Variants in PSMA3 observed in about 807,000 individuals in gnomAD.
PSMA3 encodes proteasome subunit alpha type-3.
Under a neutral mutation model 40.0 loss-of-function variants are expected in PSMA3, and 8 were observed. The observed-to-expected ratio is 0.20, with a 90% CI of 0.12 to 0.36. The LOEUF (loss-of-function observed/expected upper bound fraction) is 0.36, where lower values mean the gene tolerates loss of function less well. Ranked by LOEUF, PSMA3 falls within the 10% of genes least tolerant of loss-of-function variation. The pLI is 1.00. For missense variants in PSMA3, 219 were observed against 310.6 expected, an observed-to-expected ratio of 0.70 and a Z score of 2.22; for synonymous variants, 110 against 100.0, an observed-to-expected ratio of 1.10 and a Z score of -0.59.
chr14:58,271,756 C>T, intron 10 of PSMA3, 95 bp from the exon 11 acceptor site: 1 of 825,240 alleles, frequency 1.2e-6, no homozygotes. Context: ...AGGAATTTAA[C>T]CACTTAATTC....
chr14:58,260,491 C>G (rs547119894), intron 5 of PSMA3, among the ~76,000 whole-genome samples: 275 of 152,234 alleles, frequency 1.8e-3, no homozygotes, highest in Non-Finnish European at 2.7e-3. Context: ...TTGTTGAGCA[C>G]AGAAAAATAC....
rs766022668 is a variant in PSMA3 at position 58,270,232 on chromosome 14, T to G, written c.591-186T>G. The G allele has an allele frequency of 1.2e-5, 10 of 814,220 alleles. No individual in the cohort carries two copies. The East Asian group carries it at 3.2e-4, about 26-fold the overall frequency. 50.4% of individuals were successfully genotyped at this position (814,220 alleles called of 1,614,324 possible). A position where few individuals can be genotyped will look rare whatever the true frequency, so the allele number is the denominator to read the frequency against. On this transcript the variant is annotated intron_variant, in intron 8 of 10. Coordinates refer to ENST00000216455, the MANE Select transcript of PSMA3 (RefSeq NM_002788.4). ...AACATTTGTCGGGAGAGTAGATGTTTCATTTTATTTCAGTCCCTGTGTAAT... is the reference window on the plus strand; with the variant it reads ...AACATTTGTCGGGAGAGTAGATGTTGCATTTTATTTCAGTCCCTGTGTAAT...
intron 8 of PSMA3, chr14:58,268,282 T>C (rs1171839099): frequency 6.6e-6 from 1 of 152,184 alleles, no homozygotes; most frequent in Non-Finnish European, 1.5e-5. Flanking sequence ...ATAACAACTC[T>C]AAGTATTCCA....
intron 9 of PSMA3, 22 bp from the exon 10 acceptor site, chr14:58,270,912 A>G (rs748556621): frequency 1.9e-5 from 30 of 1,562,712 alleles, no homozygotes; most frequent in Non-Finnish European, 2.4e-5. Flanking sequence ...AAATTCATTT[A>G]CACATGTGGC....
chr14:58,252,158 T>C lies in PSMA3; in HGVS notation c.144T>C (p.Phe48=), dbSNP rs181507532. ...IGIRCKDGVV[F]GVEKLVLSKL... Reference sequence around the variant, plus strand: ...TCAGATGCAAAGATGGTGTTGTCTTTGGGGTAGAAAAATTAGTCCTTTCTA... The same window carrying C: ...TCAGATGCAAAGATGGTGTTGTCTTCGGGGTAGAAAAATTAGTCCTTTCTA... Residue 48 remains phenylalanine (F), a synonymous_variant, in exon 3 of 11, where the codon TTT becomes TTC. Coordinates refer to ENST00000216455, the MANE Select transcript of PSMA3 (RefSeq NM_002788.4). 3 of 1,613,508 alleles carry C rather than the reference T, an allele frequency of 1.9e-6. No individual in the cohort carries two copies. The African/African-American group carries it at 4.0e-5, about 22-fold the overall frequency.
intron 7 of PSMA3, chr14:58,266,398 C>G (rs1014726178): frequency 6.6e-6 from 1 of 152,188 alleles, no homozygotes; most frequent in Non-Finnish European, 1.5e-5. Context: ...AACATATCCA[C>G]AGTAGATGAA....
At chr14:58,267,086 G>C (rs1293625827) in intron 7 of PSMA3, 2 of 153,346 alleles carry the variant, frequency 1.3e-5, no homozygotes, top group East Asian at 3.8e-4. Flanking sequence ...TACAACCTCT[G>C]CCTCCTGGGT....
intron 6 of PSMA3, 75 bp downstream of exon 6, chr14:58,261,095 G>C: frequency 1.0e-6 from 1 of 955,318 alleles, no homozygotes; most frequent in Non-Finnish European, 1.6e-6. Flanking sequence ...CTCATTATAA[G>C]ATTATATGAA....
At position 58,245,051 on chromosome 14, in the gene PSMA3, C is replaced by T. The variant is rs1362698340; in HGVS notation, c.21+110C>T. 3.5e-6 allele frequency: 5 copies of T among 1,436,422 alleles called. No homozygotes were observed. In the Admixed American group the frequency reaches 8.4e-5, roughly 24 times the overall value. 89.0% of individuals were successfully genotyped at this position (1,436,422 alleles called of 1,614,324 possible). On this transcript the variant is annotated intron_variant, in intron 1 of 10. Transcript: ENST00000216455. ...ACCCGGGGTGCTCTGAGACCGCCTT[C>T]GGCTGGGTGGGCCATTTGCAGCTGT...
In PSMA3 at chr14:58,263,681, TTATA is replaced by T. The variant is rs760416943; in HGVS notation, c.478-18_478-15del. On this transcript the variant is annotated intron_variant, in intron 6 of 10. Coordinates refer to ENST00000216455, the MANE Select transcript of PSMA3 (RefSeq NM_002788.4). ...ATATGATAGTGTACTAATTCAGTGA[TTATA>T]TATATTTTTTTCTAAATAGGGTTAT... 5.7e-6 allele frequency: 9 copies of T among 1,574,810 alleles called. No individual in the cohort carries two copies. Among genetic ancestry groups the T allele is most frequent in the Admixed American group, 3.3e-5 (2 of 59,802 alleles).
intron 3 of PSMA3, among the ~76,000 whole-genome samples, chr14:58,253,098 C>T (rs769301688): frequency 6.6e-6 from 1 of 151,686 alleles, no homozygotes; most frequent in Admixed American, 6.6e-5. Flanking sequence ...GATTCTCCTA[C>T]CTCAGCCTCC....
At chr14:58,254,971 T>C (rs577355141) in intron 3 of PSMA3, among the ~76,000 whole-genome samples, 2 of 152,228 alleles carry the variant, frequency 1.3e-5, no homozygotes, top group East Asian at 1.9e-4. Context: ...CTGGGTAGCG[T>C]AGGAAAAAAA....
chr14:58,261,976 G>C (rs1387312508), intron 6 of PSMA3, among the ~76,000 whole-genome samples: 1 of 152,118 alleles, frequency 6.6e-6, no homozygotes, highest in Non-Finnish European at 1.5e-5. Flanking sequence ...TCCCAGGCTG[G>C]AGTGCAGTGG....
At chr14:58,252,272 G>A (rs760744038) in intron 3 of PSMA3, 30 bp downstream of exon 3, 2 of 1,593,806 alleles carry the variant, frequency 1.3e-6, no homozygotes, top group Non-Finnish European at 1.7e-6. Flanking sequence ...GTTCCTTTTT[G>A]TCTTGTCCAA....
At chr14:58,245,082 G>T in intron 1 of PSMA3, 141 bp downstream of exon 1, 1 of 1,091,424 alleles carries the variant, frequency 9.2e-7, no homozygotes, top group South Asian at 1.3e-5. Context: ...GCTGTTTGGA[G>T]ACCGGTCGTC....
At chr14:58,253,448 G>A (rs2140082868) in intron 3 of PSMA3, among the ~76,000 whole-genome samples, 1 of 152,254 alleles carries the variant, frequency 6.6e-6, no homozygotes, top group Non-Finnish European at 1.5e-5. Flanking sequence ...ATCTAAATGA[G>A]ATTTAATGTT....
rs540689579 is a variant in PSMA3, at chr14:58,261,575, A to G, written c.477+555A>G. Among the ~76,000 whole-genome samples the G allele has an allele frequency of 4.6e-5, 7 of 152,112 alleles. 1 individual carries two copies. In the East Asian group the frequency reaches 1.2e-3, roughly 25 times the overall value. On this transcript the variant is annotated intron_variant, in intron 6 of 10. Coordinates refer to ENST00000216455, the MANE Select transcript of PSMA3 (RefSeq NM_002788.4). ...CTGTATAGTGCATATAGTATTTTGA[A>G]TATGTGATTTTCCTTTATTACTATA...
intron 3 of PSMA3, among the ~76,000 whole-genome samples, chr14:58,257,225 C>T (rs1890165387): frequency 6.6e-6 from 1 of 151,790 alleles, no homozygotes; most frequent in Admixed American, 6.6e-5. Flanking sequence ...TGGCCGGGCA[C>T]GGTGGCTCAC....
chr14:58,250,967 T>A (rs1022204099), intron 2 of PSMA3, among the ~76,000 whole-genome samples: 1 of 151,944 alleles, frequency 6.6e-6, no homozygotes, highest in African/African-American at 2.4e-5. Flanking sequence ...ATGTAGAGCT[T>A]GGTGATGCTA....
Sources: allele counts gnomAD v4.1 joint callset (sites outside exome capture counted in the v4.1 genomes callset), GRCh38; gene constraint gnomAD v4.1.1; transcripts MANE v1.5; gene names NCBI Gene and HGNC (gene_info 2026-07-23, HGNC 2026-07-21).